The following MCPH1 variants were observed in gnomAD, a reference collection of about 807,000 sequenced individuals.
MCPH1 encodes microcephalin 1.
A neutral mutation model predicts 84.5 loss-of-function variants in MCPH1; 104 were observed. That is an observed-to-expected ratio of 1.23 (90% CI 1.05 to 1.45). The LOEUF is 1.45. Ranked by LOEUF, MCPH1 falls within the 40% of genes most tolerant of loss-of-function variation. The probability of loss-of-function intolerance (pLI) is 0.00; values close to 1 mark genes in which losing one functional copy is unlikely to be tolerated. For synonymous variants in MCPH1, 514 were observed against 366.8 expected, an observed-to-expected ratio of 1.40 and a Z score of -4.58; for missense variants, 1,498 against 1,005.7, an observed-to-expected ratio of 1.49 and a Z score of -6.62.
At chr8:6,578,239 G>C (rs976613181) in intron 12 of MCPH1, among the ~76,000 whole-genome samples, 2 of 152,148 alleles carry the variant, frequency 1.3e-5, no homozygotes, top group Non-Finnish European at 2.9e-5. Flanking sequence ...TTCCCAAACT[G>C]GTATTTCTAG....
At chr8:6,508,914 A>T in intron 12 of MCPH1, 2 of 1,614,086 alleles carry the variant, frequency 1.2e-6, no homozygotes, top group Non-Finnish European at 1.7e-6. Context: ...AAATAGGAAG[A>T]CAGAAAGTCA....
chr8:6,505,642 C>A (rs1362200090), intron 12 of MCPH1, among the ~76,000 whole-genome samples: 1 of 125,438 alleles, frequency 8.0e-6, no homozygotes, highest in South Asian at 2.4e-4. Context: ...TGTATATATT[C>A]TTTATATCTA....
intron 12 of MCPH1, among the ~76,000 whole-genome samples, chr8:6,572,084 G>C (rs893753305): frequency 3.9e-5 from 6 of 151,948 alleles, no homozygotes; most frequent in African/African-American, 1.5e-4. Flanking sequence ...GGGTCTAAAA[G>C]TCAAAGACCG....
chr8:6,461,615 C>T (rs1806308640), intron 9 of MCPH1, among the ~76,000 whole-genome samples: 1 of 152,064 alleles, frequency 6.6e-6, no homozygotes, highest in Non-Finnish European at 1.5e-5. Flanking sequence ...GCTGGGATTA[C>T]AGGCGTGAGC....
At position 6,532,412 on chromosome 8, in the gene MCPH1, C is replaced by T. The variant is rs780948892; in HGVS notation, c.2214+32483C>T. ...TTTGTCCCTATTTCTATCATCACAG[C>T]CGTCTGGTTCTGTACTGCATTCTGC... On this transcript the variant is annotated intron_variant, in intron 12 of 13. Coordinates refer to ENST00000344683, the MANE Select transcript of MCPH1 (RefSeq NM_024596.5). The T allele has an allele frequency of 1.2e-5, 19 of 1,613,996 alleles. No homozygotes were observed. The highest frequency in any genetic ancestry group is 1.5e-5 in the Non-Finnish European group (18 of 1,180,028).
At chr8:6,561,960 G>A (rs1221423435) in intron 12 of MCPH1, among the ~76,000 whole-genome samples, 1 of 152,122 alleles carries the variant, frequency 6.6e-6, no homozygotes, top group Admixed American at 6.5e-5. Flanking sequence ...CCCACGTGGG[G>A]ACGCATTCCG....
intron 12 of MCPH1, among the ~76,000 whole-genome samples, chr8:6,556,608 T>C (rs889231903): frequency 7.5e-5 from 11 of 146,042 alleles, no homozygotes; most frequent in African/African-American, 2.8e-4. Flanking sequence ...TCTTGGGAAT[T>C]GTCTTTTTTT....
chr8:6,416,405 C>T (rs1799308204), intron 3 of MCPH1, among the ~76,000 whole-genome samples: 1 of 152,140 alleles, frequency 6.6e-6, no homozygotes, highest in Admixed American at 6.5e-5. Context: ...TGGAGAAAAG[C>T]TTTCAGTATT....
At position 6,444,932 on chromosome 8, in the gene MCPH1, G is replaced by A; in HGVS notation, c.1210G>A (p.Ala404Thr). ...LQHVAGPALE[A>T]LSCGESSYDD... ...GCACGTGGCGGGACCTGCCCTGGAG[G>A]CTCTTAGCTGTGGGGAGTCTTCATA... The change falls in exon 8 of 14, where the codon GCT becomes ACT. Residue 404 changes from alanine (A) to threonine (T), a missense_variant. Coordinates refer to ENST00000344683, the MANE Select transcript of MCPH1 (RefSeq NM_024596.5). 1 of 1,614,158 alleles carries A rather than the reference G, an allele frequency of 6.2e-7. No individual in the cohort carries two copies. Among genetic ancestry groups the A allele is most frequent in the Non-Finnish European group, 8.5e-7 (1 of 1,180,006 alleles).
chr8:6,563,599 G>C (rs999544778), intron 12 of MCPH1, among the ~76,000 whole-genome samples: 8 of 152,206 alleles, frequency 5.3e-5, no homozygotes, highest in African/African-American at 1.7e-4. Context: ...TACAATGAAA[G>C]TTCCTGTTTT....
intron 12 of MCPH1, among the ~76,000 whole-genome samples, chr8:6,613,205 G>A (rs975618150): frequency 6.6e-6 from 1 of 152,302 alleles, no homozygotes; most frequent in East Asian, 1.9e-4. Context: ...ACGGCTGAGC[G>A]TGAGAAAGGG....
chr8:6,633,715 G>T (rs561434374), intron 13 of MCPH1, among the ~76,000 whole-genome samples: 2 of 152,112 alleles, frequency 1.3e-5, no homozygotes, highest in Non-Finnish European at 2.9e-5. Flanking sequence ...AAAATGGCAC[G>T]TGTGCAGGCT....
chr8:6,509,627 C>G (rs1814549514), intron 12 of MCPH1, among the ~76,000 whole-genome samples: 1 of 152,136 alleles, frequency 6.6e-6, no homozygotes, highest in South Asian at 2.1e-4. Flanking sequence ...GAGAAAGGAA[C>G]AAATGTCGGA....
intron 12 of MCPH1, among the ~76,000 whole-genome samples, chr8:6,547,574 T>G (rs935345242): frequency 4.6e-5 from 7 of 152,340 alleles, no homozygotes; most frequent in African/African-American, 1.7e-4. Flanking sequence ...ACAGTAGCAC[T>G]TTGGACCACC....
chr8:6,477,913 G>A (rs1808690824), intron 10 of MCPH1, among the ~76,000 whole-genome samples: 1 of 152,210 alleles, frequency 6.6e-6, no homozygotes, highest in African/African-American at 2.4e-5. Context: ...GAATGTTCAA[G>A]AAGTGGAACA....
At chr8:6,575,830 A>G (rs1006149576) in intron 12 of MCPH1, among the ~76,000 whole-genome samples, 1 of 152,134 alleles carries the variant, frequency 6.6e-6, no homozygotes, top group Non-Finnish European at 1.5e-5. Flanking sequence ...TGAAGCTTCT[A>G]CAAAACAGGG....
chr8:6,643,373 T>G lies in MCPH1; in HGVS notation c.*324T>G. Reference sequence around the variant, plus strand: ...TCCACCTCCCAGGTTCAAGCGATTCTGCTGCCTCAGCCTCCTGAGTAGCTG... The same window carrying G: ...TCCACCTCCCAGGTTCAAGCGATTCGGCTGCCTCAGCCTCCTGAGTAGCTG... On this transcript the variant is annotated 3_prime_UTR_variant, in exon 14 of 14. Transcript: ENST00000344683. The G allele has an allele frequency of 2.8e-6, 1 of 359,016 alleles. No homozygotes were observed. Among genetic ancestry groups the G allele is most frequent in the Non-Finnish European group, 5.2e-6 (1 of 190,724 alleles). 22.2% of individuals were successfully genotyped at this position (359,016 alleles called of 1,614,324 possible).
chr8:6,492,719 T>C (rs1157938508), intron 11 of MCPH1, among the ~76,000 whole-genome samples: 1 of 136,034 alleles, frequency 7.4e-6, no homozygotes, highest in Non-Finnish European at 1.6e-5. Context: ...ATATTTTATA[T>C]TAAATTATCA....
intron 12 of MCPH1, among the ~76,000 whole-genome samples, chr8:6,533,816 C>T (rs1024555149): frequency 2.0e-4 from 30 of 152,132 alleles, no homozygotes; most frequent in Non-Finnish European, 1.9e-4. Context: ...GACATGATTT[C>T]CCCCAAAATG....
Sources: allele counts gnomAD v4.1 joint callset (sites outside exome capture counted in the v4.1 genomes callset), GRCh38; gene constraint gnomAD v4.1.1; transcripts MANE v1.5; gene names NCBI Gene and HGNC (gene_info 2026-07-23, HGNC 2026-07-21).